BIRC6: variants seen among roughly 807,000 people sequenced by gnomAD.
The protein encoded by BIRC6 is dual E2 ubiquitin-conjugating enzyme/E3 ubiquitin-protein ligase BIRC6.
In BIRC6, 98 loss-of-function variants were observed where a neutral mutation model predicts 503.3. The ratio of observed to expected loss-of-function variants is 0.19; its 90% confidence interval spans 0.17 to 0.23. BIRC6 has a LOEUF of 0.23. BIRC6 is among the 10% of genes least tolerant of loss of function. The probability of loss-of-function intolerance (pLI) is 1.00; values close to 1 mark genes in which losing one functional copy is unlikely to be tolerated. For missense variants in BIRC6, 5,360 were observed against 5,806.0 expected, an observed-to-expected ratio of 0.92 and a Z score of 2.50; for synonymous variants, 2,240 against 2,078.7, an observed-to-expected ratio of 1.08 and a Z score of -2.11.
chr2:32,567,805 A>G (rs551561255), intron 65 of BIRC6, among the ~76,000 whole-genome samples: 2 of 152,296 alleles, frequency 1.3e-5, no homozygotes, highest in East Asian at 3.9e-4. Context: ...TACCAGGTAA[A>G]AGAGTGGGGA....
At chr2:32,381,110 G>A (rs2037576120) in intron 3 of BIRC6, among the ~76,000 whole-genome samples, 1 of 152,158 alleles carries the variant, frequency 6.6e-6, no homozygotes, top group Non-Finnish European at 1.5e-5. Flanking sequence ...TGTTATTGAA[G>A]GATATAAGGT....
intron 10 of BIRC6, among the ~76,000 whole-genome samples, chr2:32,422,552 CA>C (rs1194512256): frequency 6.6e-6 from 1 of 152,162 alleles, no homozygotes; most frequent in African/African-American, 2.4e-5. Flanking sequence ...TCCCCTCTCC[CA>C]AACTCTGCCC....
chr2:32,476,383 G>C (rs2049766232), intron 34 of BIRC6, 39 bp downstream of exon 34: 1 of 1,528,684 alleles, frequency 6.5e-7, no homozygotes, highest in Admixed American at 2.2e-5. Flanking sequence ...TCTCAGAAAA[G>C]TCAAGGAGTT....
chr2:32,500,944 C>T (rs1283451796), intron 46 of BIRC6, among the ~76,000 whole-genome samples: 1 of 151,714 alleles, frequency 6.6e-6, no homozygotes, highest in Non-Finnish European at 1.5e-5. Flanking sequence ...ACCATGTTAG[C>T]CAGGCTGGTC....
intron 22 of BIRC6, 56 bp downstream of exon 22, chr2:32,448,984 G>A (rs1175168851): frequency 1.3e-6 from 2 of 1,523,318 alleles, no homozygotes; most frequent in Non-Finnish European, 1.8e-6. Flanking sequence ...GATTTAAGTT[G>A]CCATTTGACT....
Position 32,436,476 on chromosome 2 carries a change from A to G in BIRC6, c.3631+292A>G, listed in dbSNP as rs545182228. ...ACAGAGCTCTTTTGAGTAAGCAGAC[A>G]TAATGTTCTGCCATTTTTACCCTTC... is the stretch of plus-strand genomic sequence containing the variant. On this transcript the variant is annotated intron_variant, in intron 15 of 73. Coordinates refer to ENST00000421745, the MANE Select transcript of BIRC6 (RefSeq NM_016252.4). Among the ~76,000 whole-genome samples the G allele has an allele frequency of 3.3e-5, 5 of 152,316 alleles. No individual in the cohort carries two copies. The South Asian group carries it at 1.0e-3, about 32-fold the overall frequency.
intron 5 of BIRC6, among the ~76,000 whole-genome samples, chr2:32,392,666 A>G (rs1436148973): frequency 1.3e-5 from 2 of 152,122 alleles, no homozygotes; most frequent in Non-Finnish European, 2.9e-5. Flanking sequence ...TCTGTTGCCC[A>G]CGCTGGAGTA....
intron 23 of BIRC6, among the ~76,000 whole-genome samples, chr2:32,458,929 A>G (rs1236143199): frequency 6.6e-6 from 1 of 151,790 alleles, no homozygotes. Flanking sequence ...ATCTCAAGTG[A>G]TTTGCCTGCC....
At chr2:32,616,973 G>A (rs2063287521) in intron 73 of BIRC6, among the ~76,000 whole-genome samples, 1 of 152,164 alleles carries the variant, frequency 6.6e-6, no homozygotes, top group Non-Finnish European at 1.5e-5. Flanking sequence ...CTTCATTCCT[G>A]TAGTCCCAAC....
At chr2:32,494,768 A>G (rs1298025301) in intron 45 of BIRC6, among the ~76,000 whole-genome samples, 2 of 151,914 alleles carry the variant, frequency 1.3e-5, no homozygotes, top group African/African-American at 2.4e-5. Flanking sequence ...GAAATTAGCT[A>G]GGGTGTGGGT....
intron 62 of BIRC6, 134 bp from the exon 63 acceptor site, chr2:32,545,509 G>T: frequency 1.4e-6 from 1 of 719,012 alleles, no homozygotes; most frequent in Non-Finnish European, 2.4e-6. Flanking sequence ...TGTATTTGTG[G>T]TATTTGGTTT....
chr2:32,566,409 G>A (rs1303248524), intron 65 of BIRC6: 1 of 152,222 alleles, frequency 6.6e-6, no homozygotes, highest in East Asian at 1.9e-4. Flanking sequence ...TTGGAGTACA[G>A]TGGTGTGATT....
chr2:32,367,255 G>T (rs1399088084), intron 1 of BIRC6, among the ~76,000 whole-genome samples: 4 of 152,010 alleles, frequency 2.6e-5, no homozygotes, highest in African/African-American at 7.3e-5. Flanking sequence ...CTGAGGTACG[G>T]AGTTCGAGAC....
intron 21 of BIRC6, among the ~76,000 whole-genome samples, chr2:32,446,760 T>A (rs1467545263): frequency 7.2e-6 from 1 of 138,036 alleles, no homozygotes; most frequent in Non-Finnish European, 1.6e-5. Context: ...TTTTTTTTTT[T>A]TTTTTTTTTT....
chr2:32,416,096 G>A lies in BIRC6; in HGVS notation c.2805G>A (p.Glu935=). 6.2e-7 allele frequency: 1 copy of A among 1,613,844 alleles called. No individual in the cohort carries two copies. Among genetic ancestry groups the A allele is most frequent in the South Asian group, 1.1e-5 (1 of 91,072 alleles). ...AGCCTCCCAAAAAGGAGGGCACTGA[G>A]GAACAGGACACATTTGTTTCTGTGA... ...KVEPPKKEGT[E]EQDTFVSVIY... The change falls in exon 10 of 74, where the codon GAG becomes GAA. Residue 935 remains glutamate (E), a synonymous_variant. Transcript: ENST00000421745.
chr2:32,539,370 A>G (rs1419656661), intron 61 of BIRC6, among the ~76,000 whole-genome samples: 1 of 152,218 alleles, frequency 6.6e-6, no homozygotes, highest in Non-Finnish European at 1.5e-5. Flanking sequence ...TTATGGAACA[A>G]AGCATTTACC....
intron 65 of BIRC6, among the ~76,000 whole-genome samples, chr2:32,556,035 A>G (rs1478301328): frequency 1.3e-5 from 2 of 152,226 alleles, no homozygotes; most frequent in Admixed American, 6.5e-5. Context: ...GTACCAATAA[A>G]AATTAAAACA....
rs961698539 is a variant in BIRC6 at position 32,567,981 on chromosome 2, G to A, written c.13145-7175G>A. Among the ~76,000 whole-genome samples the A allele has an allele frequency of 7.9e-5, 12 of 151,916 alleles. 1 individual carries two copies. Among genetic ancestry groups the A allele is most frequent in the South Asian group, 4.2e-4 (2 of 4,814 alleles). ...TAAAAAATTAGCCAGGCATGGTGGC[G>A]GGCACCTGTACTCCCAGCTACTTGG... On this transcript the variant is annotated intron_variant, in intron 65 of 73. Transcript: ENST00000421745.
chr2:32,582,898 T>C (rs2060778662), intron 66 of BIRC6, among the ~76,000 whole-genome samples: 1 of 152,190 alleles, frequency 6.6e-6, no homozygotes, highest in Non-Finnish European at 1.5e-5. Flanking sequence ...ATGTATCAGG[T>C]ACATAATTAT....
Sources: allele counts gnomAD v4.1 joint callset (sites outside exome capture counted in the v4.1 genomes callset), GRCh38; gene constraint gnomAD v4.1.1; transcripts MANE v1.5; gene names NCBI Gene and HGNC (gene_info 2026-07-23, HGNC 2026-07-21).